The following CHD1 variants were observed in gnomAD, a reference collection of about 807,000 sequenced individuals.
CHD1 encodes the protein ATP-dependent chromatin remodeler CHD1.
CHD1 carries 36 observed loss-of-function variants against 224.2 expected under a neutral mutation model. The ratio of observed to expected loss-of-function variants is 0.16; its 90% CI spans 0.12 to 0.21. The LOEUF (loss-of-function observed/expected upper bound fraction) is 0.21. Ranked by LOEUF, CHD1 falls within the 10% of genes least tolerant of loss-of-function variation. The pLI is 1.00. For missense variants in CHD1, 1,378 were observed against 1,994.8 expected, an observed-to-expected ratio of 0.69 and a Z score of 5.89; for synonymous variants, 668 against 658.3, an observed-to-expected ratio of 1.01 and a Z score of -0.23.
In CHD1 at chr5:98,854,591, A is replaced by G. The variant is rs763895738; in HGVS notation, c.*1789T>C. ...TACTCCCTCACATGTTCTCTCATATACCAGAAAAGAAACAAAGCATTATTA... is the reference window on the plus strand; with the variant it reads ...TACTCCCTCACATGTTCTCTCATATGCCAGAAAAGAAACAAAGCATTATTA... On this transcript the variant is annotated 3_prime_UTR_variant, in exon 36 of 36. Coordinates refer to ENST00000614616, the MANE Select transcript of CHD1 (RefSeq NM_001270.4). The G allele has an allele frequency of 7.2e-5, 11 of 152,156 alleles. No individual in the cohort carries two copies. Among genetic ancestry groups the G allele is most frequent in the Non-Finnish European group, 1.3e-4 (9 of 67,978 alleles). The allele number at this position is 152,156 out of a possible 1,614,324, so 9.4% of individuals were successfully genotyped here.
intron 10 of CHD1, among the ~76,000 whole-genome samples, chr5:98,898,038 CA>C (rs1751456758): frequency 7.6e-6 from 1 of 131,194 alleles, no homozygotes; most frequent in Non-Finnish European, 1.6e-5. Context: ...ACATCATTTA[CA>C]ATTTTTTTAA....
rs749584176 is a variant in CHD1 at position 98,856,349 on chromosome 5, A to AT, written c.*30_*31insA. 47 of 1,543,960 alleles carry AT rather than the reference A, an allele frequency of 3.0e-5. No homozygotes were observed. The highest frequency in any genetic ancestry group is 3.7e-5 in the Non-Finnish European group (42 of 1,121,646). ...TGGTTTATGATATATGGCTAAAAGA[A>AT]AAGTCCAGAAAGACGAAGTATCAGT... On this transcript the variant is annotated 3_prime_UTR_variant, in exon 36 of 36. Transcript: ENST00000614616.
intron 15 of CHD1, 106 bp from the exon 16 acceptor site, chr5:98,889,344 A>C: frequency 1.3e-6 from 1 of 746,200 alleles, no homozygotes; most frequent in Non-Finnish European, 2.1e-6. Flanking sequence ...ACCAAAGTAA[A>C]ACTGTACCGT....
At chr5:98,884,067 CTTTGTTT>C (rs1209427611) in intron 18 of CHD1, among the ~76,000 whole-genome samples, 19 of 145,926 alleles carry the variant, frequency 1.3e-4, no homozygotes, top group African/African-American at 3.8e-4. Context: ...GTCTCTAACT[CTTTGTTT>C]TTTGTTTTTT....
In CHD1 at chr5:98,885,624, TCTC is replaced by T; in HGVS notation, c.2519_2521del (p.Gly840del). 6.2e-7 allele frequency: 1 copy of T among 1,600,588 alleles called. No individual in the cohort carries two copies. The highest frequency in any genetic ancestry group is 8.5e-7 in the Non-Finnish European group (1 of 1,170,062). ...ATGATCTAGAGCTTGTTTCCTCAGT[TCTC>T]CTTTTATTGATCCATCTAATCTCTA... On this transcript the variant is annotated inframe_deletion, in exon 18 of 36. Coordinates refer to ENST00000614616, the MANE Select transcript of CHD1 (RefSeq NM_001270.4).
intron 2 of CHD1, among the ~76,000 whole-genome samples, chr5:98,910,646 TTACG>T (rs1752328059): frequency 1.3e-5 from 2 of 152,092 alleles, no homozygotes; most frequent in Non-Finnish European, 2.9e-5. Flanking sequence ...CATGAGCAAA[TTACG>T]AATAAGAATG....
At chr5:98,911,164 T>C (rs1457679681) in intron 2 of CHD1, among the ~76,000 whole-genome samples, 2 of 131,170 alleles carry the variant, frequency 1.5e-5, no homozygotes, top group South Asian at 2.4e-4. Flanking sequence ...TATATATATA[T>C]ATATATATAT....
At chr5:98,904,818 G>A (rs985265109) in intron 3 of CHD1, 79 bp downstream of exon 3, 2 of 1,223,178 alleles carry the variant, frequency 1.6e-6, no homozygotes, top group Non-Finnish European at 2.4e-6. Context: ...GCTAGATTAA[G>A]AATGGTATAA....
At chr5:98,900,148 G>A (rs949953118) in intron 7 of CHD1, among the ~76,000 whole-genome samples, 1 of 151,900 alleles carries the variant, frequency 6.6e-6, no homozygotes, top group African/African-American at 2.4e-5. Flanking sequence ...CAGGTGTCCT[G>A]GCAGGCACCT....
At chr5:98,922,988 C>CA (rs1235775371) in intron 2 of CHD1, among the ~76,000 whole-genome samples, 1 of 141,510 alleles carries the variant, frequency 7.1e-6, no homozygotes, top group Non-Finnish European at 1.5e-5. Flanking sequence ...GACTCTGGCT[C>CA]AAAAAAAAGA....
In CHD1 at chr5:98,856,245, T is replaced by C; in HGVS notation, c.*135A>G. The C allele has an allele frequency of 3.1e-6, 2 of 636,410 alleles. No homozygotes were observed. The highest frequency in any genetic ancestry group is 5.7e-4 in the Middle Eastern group (2 of 3,480). The allele number at this position is 636,410 out of a possible 1,614,324, so 39.4% of individuals were successfully genotyped here. On this transcript the variant is annotated 3_prime_UTR_variant, in exon 36 of 36. Coordinates refer to ENST00000614616, the MANE Select transcript of CHD1 (RefSeq NM_001270.4). ...TTCTGTTGGGATAATAGACCTTGCA[T>C]CCTGGAAAGAAGTAACAATACTGCT...
intron 2 of CHD1, among the ~76,000 whole-genome samples, chr5:98,924,187 G>A (rs1753295230): frequency 6.6e-6 from 1 of 152,002 alleles, no homozygotes; most frequent in Non-Finnish European, 1.5e-5. Flanking sequence ...GGAGGCAGAG[G>A]CTGCAGTGAG....
chr5:98,864,811 C>CTT (rs753350843), intron 31 of CHD1, among the ~76,000 whole-genome samples: 3 of 152,136 alleles, frequency 2.0e-5, no homozygotes, highest in Non-Finnish European at 2.9e-5. Context: ...TCCTTTCTAA[C>CTT]TTTTAGTTTA....
chr5:98,911,146 A>AAAAAAAAAATATATATATATATAT (rs1491111295), intron 2 of CHD1, among the ~76,000 whole-genome samples: 1 of 39,128 alleles, frequency 2.6e-5, no homozygotes, highest in Admixed American at 3.0e-4. Context: ...AAAAAAAAAA[A>AAAAAAAAAATATATATATATATAT]ATATATATAT....
Position 98,858,244 on chromosome 5 carries a change from G to A in CHD1, c.4723C>T (p.Pro1575Ser), listed in dbSNP as rs1185441760. The A allele has an allele frequency of 6.2e-7, 1 of 1,613,232 alleles. No individual in the cohort carries two copies. Among genetic ancestry groups the A allele is most frequent in the South Asian group, 1.1e-5 (1 of 91,052 alleles). Reference sequence around the variant, plus strand: ...TTACCATTACTAAAAGAAGAATAGGGTCTTTTCCTGGAATCACTTTTTTTG... The same window carrying A: ...TTACCATTACTAAAAGAAGAATAGGATCTTTTCCTGGAATCACTTTTTTTG... ...SYKKSDSRKR[P>S]YSSFSNGKDH... The change falls in exon 35 of 36, where the codon CCC becomes TCC. Residue 1575 changes from proline to serine, a missense_variant. Coordinates refer to ENST00000614616, the MANE Select transcript of CHD1 (RefSeq NM_001270.4).
intron 7 of CHD1, among the ~76,000 whole-genome samples, 166 bp from the exon 8 acceptor site, chr5:98,899,871 G>A (rs1315686681): frequency 6.6e-6 from 1 of 151,946 alleles, no homozygotes; most frequent in Non-Finnish European, 1.5e-5. Context: ...ATAAAACTGA[G>A]AATTTCAGAA....
rs965116091 is a variant in CHD1, at chr5:98,926,561, C to A, written c.-148-27G>T. 1.0e-5 allele frequency: 4 copies of A among 399,498 alleles called. No individual in the cohort carries two copies. In the Admixed American group the frequency reaches 1.4e-4, roughly 14 times the overall value. 24.7% of individuals were successfully genotyped at this position (399,498 alleles called of 1,614,324 possible). A position where few individuals can be genotyped will look rare whatever the true frequency, so the allele number is the denominator to read the frequency against. On this transcript the variant is annotated intron_variant, in intron 1 of 35. Transcript: ENST00000614616. ...TAAAGAAAATATATTAATAAATTAA[C>A]AAAATTTCCTGCAGAAAAAAGGTAA...
Position 98,854,315 on chromosome 5 carries a change from T to G in CHD1, c.*2065A>C, listed in dbSNP as rs1425122835. The G allele has an allele frequency of 6.6e-6, 1 of 151,878 alleles. No individual in the cohort carries two copies. The highest frequency in any genetic ancestry group is 1.5e-5 in the Non-Finnish European group (1 of 67,904). The allele number at this position is 151,878 out of a possible 1,614,324, so 9.4% of individuals were successfully genotyped here. ...CTATTTAAAAAATTAGAGCCTTATC[T>G]CAGAAAATGCAACATTGTTCTGTGA... is the stretch of plus-strand genomic sequence containing the variant. On this transcript the variant is annotated 3_prime_UTR_variant, in exon 36 of 36. Coordinates refer to ENST00000614616, the MANE Select transcript of CHD1 (RefSeq NM_001270.4).
intron 7 of CHD1, 39 bp downstream of exon 7, chr5:98,900,768 ATTAT>A (rs985155608): frequency 6.4e-6 from 10 of 1,555,574 alleles, no homozygotes; most frequent in Non-Finnish European, 8.8e-6. Context: ...TCCTGTAAAT[ATTAT>A]TTAAATAACC....
Sources: gnomAD v4.1 joint callset for allele counts (sites outside exome capture counted in the v4.1 genomes callset) on GRCh38, gnomAD v4.1.1 for gene constraint, MANE v1.5 for transcripts, NCBI Gene and HGNC (gene_info 2026-07-23, HGNC 2026-07-21) for gene names.